Variants in CNBD1 observed in about 807,000 individuals in gnomAD.
CNBD1 encodes cyclic nucleotide-binding domain-containing protein 1.
Under a neutral mutation model 54.4 loss-of-function variants are expected in CNBD1, and 71 were observed. The observed-to-expected ratio is 1.30, with a 90% CI of 1.08 to 1.59. The LOEUF (loss-of-function observed/expected upper bound fraction) is 1.59, where lower values mean the gene tolerates loss of function less well. CNBD1 is among the 40% of genes most tolerant of loss of function. The pLI is 0.00. For synonymous variants in CNBD1, 182 were observed against 170.7 expected (o/e 1.07, Z -0.51); for missense variants, 659 against 518.0 (o/e 1.27, Z -2.64).
intron 5 of CNBD1, among the ~76,000 whole-genome samples, chr8:87,234,766 T>C (rs574184357): frequency 6.6e-6 from 1 of 152,290 alleles, no homozygotes; most frequent in South Asian, 2.1e-4. Flanking sequence ...CACAGTCAGC[T>C]GACCTGCATG....
chr8:87,156,954 G>C (rs976224655), intron 4 of CNBD1, among the ~76,000 whole-genome samples: 1 of 152,132 alleles, frequency 6.6e-6, no homozygotes, highest in African/African-American at 2.4e-5. Flanking sequence ...CTGAGAGTCA[G>C]ATTGATTATT....
At chr8:87,374,721 ACTGT>A (rs1207812884) in intron 10 of CNBD1, among the ~76,000 whole-genome samples, 1 of 151,804 alleles carries the variant, frequency 6.6e-6, no homozygotes, top group Non-Finnish European at 1.5e-5. Context: ...GATCTCACTC[ACTGT>A]CTGGAAGTCA....
intron 4 of CNBD1, among the ~76,000 whole-genome samples, chr8:86,956,258 G>GT (rs1334596482): frequency 3.3e-5 from 5 of 152,234 alleles, no homozygotes; most frequent in African/African-American, 9.6e-5. Flanking sequence ...TTGAAGTCAG[G>GT]TAGCATGATG....
chr8:87,297,038 C>T (rs955737246), intron 8 of CNBD1, among the ~76,000 whole-genome samples: 5 of 151,178 alleles, frequency 3.3e-5, no homozygotes, highest in Non-Finnish European at 5.9e-5. Flanking sequence ...ATTGGCCGGG[C>T]TTGGTGGCGG....
intron 4 of CNBD1, among the ~76,000 whole-genome samples, chr8:87,031,768 T>C (rs766136517): frequency 4.6e-5 from 7 of 152,066 alleles, no homozygotes; most frequent in African/African-American, 1.2e-4. Context: ...TGAGATGGAG[T>C]CTCGCTCTAT....
intron 3 of CNBD1, among the ~76,000 whole-genome samples, chr8:86,910,438 AG>A (rs200816207): frequency 0.022 from 3,313 of 152,252 alleles, 121 homozygotes; most frequent in African/African-American, 0.076. Flanking sequence ...ATCCTGAAAA[AG>A]GATTGAGATT....
intron 2 of CNBD1, among the ~76,000 whole-genome samples, chr8:86,895,930 C>A (rs1298701281): frequency 6.6e-6 from 1 of 151,934 alleles, no homozygotes; most frequent in Non-Finnish European, 1.5e-5. Flanking sequence ...TTATTCATGT[C>A]CTTTGCACAT....
chr8:87,120,261 T>C (rs1056046738), intron 4 of CNBD1, among the ~76,000 whole-genome samples: 1 of 152,100 alleles, frequency 6.6e-6, no homozygotes, highest in Non-Finnish European at 1.5e-5. Context: ...TCGTTATTGG[T>C]CTGTTCAGGT....
intron 2 of CNBD1, among the ~76,000 whole-genome samples, chr8:87,410,773 T>G (rs1232686415): frequency 6.6e-6 from 1 of 152,108 alleles, no homozygotes; most frequent in Non-Finnish European, 1.5e-5. Context: ...TGAGCAAATT[T>G]CATTGTTGCA....
intron 1 of CNBD1, among the ~76,000 whole-genome samples, chr8:86,871,009 T>G (rs889302890): frequency 1.1e-4 from 16 of 152,308 alleles, no homozygotes; most frequent in African/African-American, 3.6e-4. Flanking sequence ...AAATTTTTAA[T>G]CCCAAGGAGA....
intron 2 of CNBD1, among the ~76,000 whole-genome samples, chr8:87,393,534 A>G (rs564164177): frequency 1.7e-4 from 26 of 151,920 alleles, no homozygotes; most frequent in Non-Finnish European, 3.2e-4. Flanking sequence ...CAAAAGAACT[A>G]TAAACCATGG....
At chr8:87,348,994 G>A (rs973711326) in intron 8 of CNBD1, among the ~76,000 whole-genome samples, 5 of 152,216 alleles carry the variant, frequency 3.3e-5, no homozygotes, top group Non-Finnish European at 5.9e-5. Flanking sequence ...CAGGTCTTCC[G>A]AGTCTGAGTC....
intron 3 of CNBD1, among the ~76,000 whole-genome samples, chr8:86,925,504 TGTGTG>T (rs1284404178): frequency 6.6e-6 from 1 of 150,992 alleles, no homozygotes; most frequent in Non-Finnish European, 1.5e-5. Context: ...TGTGTGTGTG[TGTGTG>T]TGTGTGTGTG....
intron 6 of CNBD1, among the ~76,000 whole-genome samples, chr8:87,276,790 C>T (rs565040376): frequency 1.3e-5 from 2 of 151,820 alleles, no homozygotes; most frequent in African/African-American, 2.4e-5. Context: ...GCTGCTTTTC[C>T]TTAGAGACAT....
intron 3 of CNBD1, among the ~76,000 whole-genome samples, chr8:86,934,422 A>G (rs1325537529): frequency 6.6e-6 from 1 of 152,148 alleles, no homozygotes; most frequent in African/African-American, 2.4e-5. Context: ...TATTCCATAT[A>G]TAAGATCACG....
chr8:87,307,668 G>A (rs924076048), intron 8 of CNBD1, among the ~76,000 whole-genome samples: 1 of 151,532 alleles, frequency 6.6e-6, no homozygotes, highest in Admixed American at 6.6e-5. Flanking sequence ...AACCTGGGAG[G>A]TGGAGGTTGC....
chr8:87,010,283 C>T (rs376618713), intron 4 of CNBD1, among the ~76,000 whole-genome samples: 14 of 151,896 alleles, frequency 9.2e-5, no homozygotes, highest in African/African-American at 2.4e-4. Flanking sequence ...GTTCCTGACA[C>T]GATTTTTTTT....
At chr8:87,254,615 A>C (rs1807975604) in intron 6 of CNBD1, among the ~76,000 whole-genome samples, 1 of 152,156 alleles carries the variant, frequency 6.6e-6, no homozygotes, top group Non-Finnish European at 1.5e-5. Flanking sequence ...CACTGTAACA[A>C]AGATATGGAT....
rs184712888 is a variant in CNBD1, at chr8:87,350,471, T to A, written c.1043-1214T>A. Among the ~76,000 whole-genome samples, 3 of 152,030 alleles carry A rather than the reference T, an allele frequency of 2.0e-5. 1 individual carries two copies. The highest frequency in any genetic ancestry group is 7.2e-5 in the African/African-American group (3 of 41,576). ...TTATTCCATTGTATGTTGATGTTTA[T>A]TTTTTGCTGGTGGTAAATTATATTT... On this transcript the variant is annotated intron_variant, in intron 8 of 10. Transcript: ENST00000518476.
Sources: allele counts gnomAD v4.1 joint callset (sites outside exome capture counted in the v4.1 genomes callset), GRCh38; gene constraint gnomAD v4.1.1; transcripts MANE v1.5; gene names NCBI Gene and HGNC (gene_info 2026-07-23, HGNC 2026-07-21).